PFKFB1: variants seen among roughly 807,000 people sequenced by gnomAD.
The protein encoded by PFKFB1 is 6-phosphofructo-2-kinase/fructose-2,6-bisphosphatase 1.
PFKFB1 carries 34 observed loss-of-function variants against 46.4 expected under a neutral mutation model. The ratio of observed to expected loss-of-function variants is 0.73; its 90% CI spans 0.56 to 0.98. The LOEUF is 0.98. Among genes scored for constraint, PFKFB1 ranks in the 50% least tolerant of loss-of-function variants. The pLI is 0.00. For missense variants in PFKFB1, 393 were observed against 376.3 expected (o/e 1.04, Z -0.37); for synonymous variants, 119 against 133.8 (o/e 0.89, Z 0.76).
rs1178964437 is a variant in PFKFB1 at position 54,990,634 on chromosome X, C to T, written c.97+3277G>A. 2.7e-5 allele frequency among the ~76,000 whole-genome samples: 3 copies of T among 111,519 alleles called. No homozygotes were observed. In the East Asian group the frequency reaches 8.5e-4, roughly 32 times the overall value. On this transcript the variant is annotated intron_variant, in intron 1 of 13. Transcript: ENST00000375006. ...GAGGACAGAATGAAAGGAAATAGTTCCCACCTGATTTTATGAGGTTAGTGT... is the reference window on the plus strand; with the variant it reads ...GAGGACAGAATGAAAGGAAATAGTTTCCACCTGATTTTATGAGGTTAGTGT...
intron 9 of PFKFB1, among the ~76,000 whole-genome samples, chrX:54,946,261 G>A (rs2146607856): frequency 9.0e-6 from 1 of 111,284 alleles, no homozygotes; most frequent in Admixed American, 9.6e-5. Context: ...AATTCCTAAT[G>A]GTTTCAGAGT....
chrX:54,962,186 C>T (rs763925770), intron 2 of PFKFB1, among the ~76,000 whole-genome samples: 1 of 111,483 alleles, frequency 9.0e-6, no homozygotes, highest in Non-Finnish European at 1.9e-5. Context: ...AACCCGTCTG[C>T]CAGTGTCCCA....
At position 54,933,309 on chromosome X, in the gene PFKFB1, T is replaced by C. The variant is rs1286954346; in HGVS notation, c.*94A>G. 2.6e-6 allele frequency: 2 copies of C among 763,655 alleles called. No homozygotes were observed. Among genetic ancestry groups the C allele is most frequent in the Non-Finnish European group, 4.0e-6 (2 of 502,275 alleles). 62.9% of individuals were successfully genotyped at this position (763,655 alleles called of 1,213,427 possible). A position where few individuals can be genotyped will look rare whatever the true frequency, so the allele number is the denominator to read the frequency against. ...CTTCACTGGAAGTGGGGTGCCTCAG[T>C]GAGGCCAAGGCAGAGTAGGAGAAGA... On this transcript the variant is annotated 3_prime_UTR_variant, in exon 14 of 14. Transcript: ENST00000375006.
intron 11 of PFKFB1, among the ~76,000 whole-genome samples, chrX:54,936,473 A>T (rs763324773): frequency 7.2e-5 from 8 of 111,410 alleles, no homozygotes; most frequent in Non-Finnish European, 1.1e-4. Context: ...CTGAGACGGG[A>T]AGTCCTCTGG....
chrX:54,957,036 C>A (rs955225074), intron 6 of PFKFB1, among the ~76,000 whole-genome samples: 2 of 111,724 alleles, frequency 1.8e-5, no homozygotes, highest in Non-Finnish European at 3.8e-5. Flanking sequence ...TTTTGTCATA[C>A]CTTTTAGAAA....
chrX:54,936,260 A>G (rs1310852925), intron 11 of PFKFB1, among the ~76,000 whole-genome samples: 20 of 110,008 alleles, frequency 1.8e-4, no homozygotes. Context: ...TTCACAGGAC[A>G]GGATTGGACT....
chrX:54,939,569 C>T (rs372359469), intron 10 of PFKFB1, among the ~76,000 whole-genome samples: 24 of 111,444 alleles, frequency 2.2e-4, no homozygotes, highest in East Asian at 1.1e-3. Context: ...ATATCACCAC[C>T]GATCCCACAG....
At chrX:54,966,061 A>G (rs1208907656) in intron 1 of PFKFB1, among the ~76,000 whole-genome samples, 1 of 112,075 alleles carries the variant, frequency 8.9e-6, no homozygotes, top group East Asian at 2.8e-4. Context: ...AATGAAAAGA[A>G]AACAGAAAGA....
At chrX:54,972,622 T>G (rs765761958) in intron 1 of PFKFB1, among the ~76,000 whole-genome samples, 5 of 111,933 alleles carry the variant, frequency 4.5e-5, no homozygotes, top group African/African-American at 1.3e-4. Context: ...TTGGTTCTGT[T>G]TATATGCTGG....
At chrX:54,992,839 G>C (rs951788442) in intron 1 of PFKFB1, among the ~76,000 whole-genome samples, 3 of 111,661 alleles carry the variant, frequency 2.7e-5, no homozygotes, top group Non-Finnish European at 3.8e-5. Context: ...ATCTCCAGAT[G>C]AGTGAGTGAG....
chrX:54,959,337 A>G (rs1934244578), intron 4 of PFKFB1, among the ~76,000 whole-genome samples: 1 of 111,243 alleles, frequency 9.0e-6, no homozygotes, highest in South Asian at 3.9e-4. Flanking sequence ...AACAGGAAAC[A>G]ATTCCCTAAC....
intron 6 of PFKFB1, among the ~76,000 whole-genome samples, chrX:54,957,065 G>A (rs943037273): frequency 3.6e-5 from 4 of 111,576 alleles, no homozygotes; most frequent in Admixed American, 1.9e-4. Flanking sequence ...AATTATTTTA[G>A]CAGGTGGCTC....
chrX:54,989,480 G>A lies in PFKFB1; in HGVS notation c.97+4431C>T, dbSNP rs761145988. Among the ~76,000 whole-genome samples, 5 of 111,540 alleles carry A rather than the reference G, an allele frequency of 4.5e-5. No homozygotes were observed. In the South Asian group the frequency reaches 1.9e-3, roughly 42 times the overall value. ...TAACTACGAACTTTCAAGATTGACA[G>A]AATTACAAGGAAACATTAACAAATT... On this transcript the variant is annotated intron_variant, in intron 1 of 13. Coordinates refer to ENST00000375006, the MANE Select transcript of PFKFB1 (RefSeq NM_002625.4).
intron 8 of PFKFB1, among the ~76,000 whole-genome samples, chrX:54,949,424 CAGAGAGAG>C (rs3028350): frequency 4.3e-4 from 40 of 93,928 alleles, no homozygotes; most frequent in South Asian, 5.4e-4. Context: ...AAGAGCATGA[CAGAGAGAG>C]AGAGAGAGAG....
chrX:54,988,421 T>G (rs1935158975), intron 1 of PFKFB1, among the ~76,000 whole-genome samples: 1 of 111,679 alleles, frequency 9.0e-6, no homozygotes, highest in Non-Finnish European at 1.9e-5. Context: ...ATCTATAGAT[T>G]AAATGCAGCT....
Position 54,934,933 on chromosome X carries a change from G to T in PFKFB1, c.1291+14C>A. The T allele has an allele frequency of 8.5e-7, 1 of 1,180,504 alleles. No homozygotes were observed. The highest frequency in any genetic ancestry group is 1.2e-6 in the Non-Finnish European group (1 of 867,440). On this transcript the variant is annotated intron_variant, in intron 12 of 13. Transcript: ENST00000375006. ...TCTATATGCCTGTCCTTTGATCAGG[G>T]TGGGAGTACTTACCATAAGCCACAG...
chrX:54,973,652 G>C (rs1934750737), intron 1 of PFKFB1, among the ~76,000 whole-genome samples: 1 of 111,314 alleles, frequency 9.0e-6, no homozygotes, highest in Admixed American at 9.6e-5. Context: ...GAGCAGTTTT[G>C]AGTGAGTTTC....
At chrX:54,976,221 T>G (rs1175675819) in intron 1 of PFKFB1, among the ~76,000 whole-genome samples, 1 of 111,599 alleles carries the variant, frequency 9.0e-6, no homozygotes, top group East Asian at 2.8e-4. Context: ...AATGAAAGAA[T>G]ATACTTGTAC....
At chrX:54,994,245 G>C (rs919013265), upstream of PFKFB1, 2 of 753,806 alleles carry the variant, frequency 2.7e-6, no homozygotes, top group South Asian at 1.4e-4. Flanking sequence ...TGCAGAGGGC[G>C]AGAGGTTGGG....
Sources: allele counts gnomAD v4.1 joint callset (sites outside exome capture counted in the v4.1 genomes callset), GRCh38; gene constraint gnomAD v4.1.1; transcripts MANE v1.5; gene names NCBI Gene and HGNC (gene_info 2026-07-23, HGNC 2026-07-21).